Variants in SYNPR observed in about 807,000 individuals in gnomAD.
The protein encoded by SYNPR is synaptoporin.
In SYNPR, 23 loss-of-function variants were observed where a neutral mutation model predicts 32.9. The observed-to-expected ratio is 0.70, with a 90% CI of 0.50 to 0.99. The LOEUF is 0.99. Among genes scored for constraint, SYNPR ranks in the 50% least tolerant of loss-of-function variants. The pLI, the probability that SYNPR is intolerant of heterozygous loss-of-function variation, is 0.00. For synonymous variants in SYNPR, 146 were observed against 135.9 expected (o/e 1.07, Z -0.52); for missense variants, 318 against 349.3 (o/e 0.91, Z 0.71).
At chr3:63,606,439 T>TTTTTTTTTTTTTTTTTTTTGA (rs1553651989) in intron 4 of SYNPR, among the ~76,000 whole-genome samples, 1 of 145,934 alleles carries the variant, frequency 6.9e-6, no homozygotes, top group East Asian at 2.0e-4. Flanking sequence ...TTTTTTTTTT[T>TTTTTTTTTTTTTTTTTTTTGA]AGCAATGAGA....
intron 1 of SYNPR, among the ~76,000 whole-genome samples, chr3:63,240,538 G>A (rs1343012152): frequency 6.6e-6 from 1 of 152,050 alleles, no homozygotes; most frequent in African/African-American, 2.4e-5. Flanking sequence ...CAATGAATAA[G>A]GTGTGGCAAT....
chr3:63,469,220 G>A (rs1019720650), intron 2 of SYNPR, among the ~76,000 whole-genome samples: 1 of 152,134 alleles, frequency 6.6e-6, no homozygotes, highest in Admixed American at 6.5e-5. Context: ...GTTGAGGGTT[G>A]TGACTTATCT....
intron 3 of SYNPR, among the ~76,000 whole-genome samples, chr3:63,541,177 AGG>A (rs1702295741): frequency 6.6e-6 from 1 of 151,186 alleles, no homozygotes; most frequent in African/African-American, 2.4e-5. Context: ...AACCAAGCAG[AGG>A]CAGGCAGCTT....
At chr3:63,502,558 C>T (rs1244974468) in intron 3 of SYNPR, among the ~76,000 whole-genome samples, 2 of 152,170 alleles carry the variant, frequency 1.3e-5, no homozygotes, top group Non-Finnish European at 2.9e-5. Context: ...TCACCACCCT[C>T]ACCACCTCCA....
chr3:63,286,447 T>G (rs2086682206), intron 2 of SYNPR, among the ~76,000 whole-genome samples: 1 of 152,180 alleles, frequency 6.6e-6, no homozygotes, highest in Admixed American at 6.5e-5. Context: ...CTAACCACAT[T>G]GTAATGCCCA....
intron 2 of SYNPR, among the ~76,000 whole-genome samples, chr3:63,343,947 A>T (rs2087403861): frequency 6.6e-6 from 1 of 152,224 alleles, no homozygotes. Flanking sequence ...CTGTAATTGC[A>T]GTTTATAGTG....
In SYNPR at chr3:63,322,002, T is replaced by C. The variant is rs73123143; in HGVS notation, c.84+43260T>C. Among the ~76,000 whole-genome samples the C allele has an allele frequency of 6.1e-3, 935 of 152,134 alleles. 10 individuals carry two copies. Among genetic ancestry groups the C allele is most frequent in the Middle Eastern group, 0.027 (8 of 294 alleles). On this transcript the variant is annotated intron_variant, in intron 2 of 5. Coordinates refer to ENST00000478300, the MANE Select transcript of SYNPR (RefSeq NM_001130003.2). ...CTCTTGGGTGTTTACCACTCTTCTGTCACCAAGGGAGTCCACTGTTGTTAC... is the reference window on the plus strand; with the variant it reads ...CTCTTGGGTGTTTACCACTCTTCTGCCACCAAGGGAGTCCACTGTTGTTAC...
At position 63,595,805 on chromosome 3, in the gene SYNPR, ATATATATATAGTTTTATATATATATAGT is replaced by A. The variant is rs1559546350; in HGVS notation, c.409-13281_409-13254del. On this transcript the variant is annotated intron_variant, in intron 4 of 5. Transcript: ENST00000478300. Reference sequence around the variant, plus strand: ...TATATAGTTATATATATATAGTTATATATATATATAGTTTTATATATATATAGTTATATATATAGTTTTATATATATAT... The same window carrying A: ...TATATAGTTATATATATATAGTTATATATATATATAGTTTTATATATATAT... 1.6e-4 allele frequency among the ~76,000 whole-genome samples: 11 copies of A among 67,902 alleles called. 1 individual carries two copies. Among genetic ancestry groups the A allele is most frequent in the South Asian group, 8.7e-4 (2 of 2,286 alleles). The allele number at this position is 67,902 out of a possible 152,430, so 44.5% of individuals were successfully genotyped here. A position where few individuals can be genotyped will look rare whatever the true frequency, so the allele number is the denominator to read the frequency against.
At chr3:63,358,520 C>T (rs749106952) in intron 2 of SYNPR, among the ~76,000 whole-genome samples, 14 of 152,068 alleles carry the variant, frequency 9.2e-5, no homozygotes, top group Non-Finnish European at 1.8e-4. Flanking sequence ...TTAATCACAT[C>T]GGCAAACTCA....
At chr3:63,578,918 C>A (rs767075846) in intron 4 of SYNPR, among the ~76,000 whole-genome samples, 1 of 152,080 alleles carries the variant, frequency 6.6e-6, no homozygotes, top group Non-Finnish European at 1.5e-5. Flanking sequence ...CCCCAACTAC[C>A]ATCTTCCCAG....
intron 1 of SYNPR, among the ~76,000 whole-genome samples, chr3:63,240,611 A>G (rs1425402547): frequency 6.6e-6 from 1 of 152,064 alleles, no homozygotes. Context: ...ACCCAAGGGG[A>G]CTTATCCAAG....
At chr3:63,447,750 T>A (rs1369296322) in intron 2 of SYNPR, among the ~76,000 whole-genome samples, 1 of 152,124 alleles carries the variant, frequency 6.6e-6, no homozygotes, top group African/African-American at 2.4e-5. Flanking sequence ...TGTGATTTTT[T>A]TTTTTTTAAC....
intron 2 of SYNPR, among the ~76,000 whole-genome samples, chr3:63,300,760 TG>T (rs1030469364): frequency 2.0e-5 from 3 of 152,082 alleles, no homozygotes; most frequent in Non-Finnish European, 4.4e-5. Flanking sequence ...GAAATCAGGA[TG>T]AAGCTAGCCT....
intron 2 of SYNPR, among the ~76,000 whole-genome samples, chr3:63,397,043 G>T (rs929596053): frequency 1.3e-5 from 2 of 149,094 alleles, no homozygotes; most frequent in Admixed American, 6.7e-5. Flanking sequence ...GGCGGAGCTT[G>T]CAGTGAGCCA....
the SYNPR span, among the ~76,000 whole-genome samples, chr3:63,202,543 A>G: frequency 6.6e-6 from 1 of 152,124 alleles, no homozygotes; most frequent in African/African-American, 2.4e-5. Context: ...CTTTAAACTA[A>G]ATATTGGGTA....
At chr3:63,279,704 G>C (rs1391153121) in intron 2 of SYNPR, among the ~76,000 whole-genome samples, 1 of 152,222 alleles carries the variant, frequency 6.6e-6, no homozygotes, top group Non-Finnish European at 1.5e-5. Context: ...GACTAGCTGG[G>C]AAATTATGTA....
Position 63,450,879 on chromosome 3 carries a change from C to G in SYNPR, c.85-29953C>G, listed in dbSNP as rs536248518. Among the ~76,000 whole-genome samples the G allele has an allele frequency of 9.9e-5, 15 of 152,270 alleles. 1 individual carries two copies. Among genetic ancestry groups the G allele is most frequent in the Middle Eastern group, 6.8e-3 (2 of 294 alleles). On this transcript the variant is annotated intron_variant, in intron 2 of 5. Coordinates refer to ENST00000478300, the MANE Select transcript of SYNPR (RefSeq NM_001130003.2). ...TAAAAGGTATCTGTAATTATCGAGA[C>G]CCTTGGCACATTTGCCAAGATAAAA...
chr3:63,614,921 G>A (rs914841472), intron 5 of SYNPR, among the ~76,000 whole-genome samples: 2 of 152,118 alleles, frequency 1.3e-5, no homozygotes, highest in African/African-American at 2.4e-5. Context: ...CAAGCCACGC[G>A]ACCTTAGACA....
intron 2 of SYNPR, among the ~76,000 whole-genome samples, chr3:63,455,573 G>A (rs753053548): frequency 6.6e-6 from 1 of 152,116 alleles, no homozygotes; most frequent in Non-Finnish European, 1.5e-5. Flanking sequence ...GATACAAATA[G>A]CTAAAGTGGT....
Sources: allele counts gnomAD v4.1 joint callset (sites outside exome capture counted in the v4.1 genomes callset), GRCh38; gene constraint gnomAD v4.1.1; transcripts MANE v1.5; gene names NCBI Gene and HGNC (gene_info 2026-07-23, HGNC 2026-07-21).